The following TRIM37 variants were observed in gnomAD, a reference collection of about 807,000 sequenced individuals.
TRIM37 encodes the protein tripartite motif containing 37.
In TRIM37, 80 loss-of-function variants were observed where a neutral mutation model predicts 129.8. The observed-to-expected ratio is 0.62, with a 90% CI of 0.51 to 0.74. The LOEUF is 0.74. TRIM37 is among the 30% of genes least tolerant of loss of function. The probability of loss-of-function intolerance (pLI) is 0.00; values close to 1 mark genes in which losing one functional copy is unlikely to be tolerated. For synonymous variants in TRIM37, 389 were observed against 387.1 expected, an observed-to-expected ratio of 1.00 and a Z score of -0.06; for missense variants, 1,054 against 1,176.5, an observed-to-expected ratio of 0.90 and a Z score of 1.52.
chr17:59,072,165 G>A (rs1343305350), intron 8 of TRIM37, among the ~76,000 whole-genome samples: 1 of 152,124 alleles, frequency 6.6e-6, no homozygotes, highest in Non-Finnish European at 1.5e-5. Flanking sequence ...GTCCATGTGA[G>A]GACACAGTAA....
chr17:59,031,995 A>G lies in TRIM37; in HGVS notation c.1849T>C (p.Leu617=). The change falls in exon 18 of 24, where the codon TTA becomes CTA. Residue 617 remains leucine, a synonymous_variant. Coordinates refer to ENST00000262294, the MANE Select transcript of TRIM37 (RefSeq NM_015294.6). ...AGGTCCAACAAATGTATTAAAATTAATGGATCAATGTCTAGTAAACTACTG... is the reference window on the plus strand; with the variant it reads ...AGGTCCAACAAATGTATTAAAATTAGTGGATCAATGTCTAGTAAACTACTG... ...ATSSLLDIDP[L]ILIHLLDLKD... is the part of the protein sequence containing the mutation. The G allele has an allele frequency of 6.2e-7, 1 of 1,614,220 alleles. No individual in the cohort carries two copies. The highest frequency in any genetic ancestry group is 8.5e-7 in the Non-Finnish European group (1 of 1,180,028).
At chr17:59,082,579 CAGAGTTACTACAG>C (rs2043394393) in intron 5 of TRIM37, among the ~76,000 whole-genome samples, 1 of 152,164 alleles carries the variant, frequency 6.6e-6, no homozygotes, top group Non-Finnish European at 1.5e-5. Context: ...TTCCATCCCA[CAGAGTTACTACAG>C]AGACAGAAGA....
intron 22 of TRIM37, among the ~76,000 whole-genome samples, chr17:59,008,582 G>T (rs959252857): frequency 6.6e-6 from 1 of 152,176 alleles, no homozygotes; most frequent in Non-Finnish European, 1.5e-5. Flanking sequence ...AATGTAAATT[G>T]ATAAATTGGA....
chr17:59,087,240 C>T (rs542408182), intron 4 of TRIM37, among the ~76,000 whole-genome samples: 21 of 151,944 alleles, frequency 1.4e-4, no homozygotes, highest in African/African-American at 4.1e-4. Context: ...GGATTATAGG[C>T]GTCCACCACG....
intron 3 of TRIM37, 151 bp from the exon 4 acceptor site, chr17:59,088,558 G>A: frequency 3.1e-6 from 2 of 653,982 alleles, no homozygotes; most frequent in Non-Finnish European, 5.5e-6. Context: ...TATGACCCAG[G>A]GTGGAATGCA....
At chr17:59,016,307 T>A (rs893233054) in intron 20 of TRIM37, among the ~76,000 whole-genome samples, 17 of 146,346 alleles carry the variant, frequency 1.2e-4, no homozygotes, top group Non-Finnish European at 2.2e-4. Context: ...GGCAGGAGAA[T>A]CACTTGAACA....
intron 2 of TRIM37, among the ~76,000 whole-genome samples, chr17:59,103,726 C>A (rs891571029): frequency 1.3e-5 from 2 of 151,166 alleles, no homozygotes; most frequent in Admixed American, 6.6e-5. Flanking sequence ...CGGCTCACTG[C>A]AACCTCTGCC....
chr17:59,022,147 A>T (rs1414978028), intron 19 of TRIM37, among the ~76,000 whole-genome samples: 1 of 152,170 alleles, frequency 6.6e-6, no homozygotes, highest in Non-Finnish European at 1.5e-5. Flanking sequence ...AATTAGAACT[A>T]AAGTGGGTTA....
In TRIM37 at chr17:59,041,898, C is replaced by T. The variant is rs750544546; in HGVS notation, c.1668G>A (p.Met556Ile). The T allele has an allele frequency of 8.1e-6, 13 of 1,607,982 alleles. No individual in the cohort carries two copies. In the African/African-American group the frequency reaches 1.6e-4, roughly 20 times the overall value. Residue 556 changes from methionine to isoleucine, a missense_variant and splice_region_variant, in exon 17 of 24, where the codon ATG (methionine) becomes ATA (isoleucine). By Grantham distance (10) the Met-to-Ile change is conservative. Around this residue, in one of 3 missense-constraint regions of TRIM37, gnomAD observed 752 missense variants for 870.8 expected, o/e 0.86. Coordinates refer to ENST00000262294, the MANE Select transcript of TRIM37 (RefSeq NM_015294.6). ...TEENDIDEET[M>I]SGENDVEYNN... ...TATATTCCACATCATTTTCTCCAGA[C>T]CTAAGAATATACAAAATCCATCATT...
At chr17:59,043,102 G>A (rs2039430250) in intron 16 of TRIM37, among the ~76,000 whole-genome samples, 1 of 152,136 alleles carries the variant, frequency 6.6e-6, no homozygotes, top group Non-Finnish European at 1.5e-5. Context: ...TTTCAGCAAA[G>A]AGGGTATTAC....
intron 5 of TRIM37, 90 bp from the exon 6 acceptor site, chr17:59,081,309 G>A: frequency 1.3e-6 from 2 of 1,530,358 alleles, no homozygotes; most frequent in South Asian, 1.2e-5. Context: ...CTAATAAACT[G>A]GTAAATCTCT....
Position 58,999,242 on chromosome 17 carries a change from A to C in TRIM37, c.*135T>G. Reference sequence around the variant, plus strand: ...ACTGTGCCACCTTCCAACAGTTTCCAAATTACTATTTCAGGTCGAGATAAT... The same window carrying C: ...ACTGTGCCACCTTCCAACAGTTTCCCAATTACTATTTCAGGTCGAGATAAT... On this transcript the variant is annotated 3_prime_UTR_variant, in exon 24 of 24. Coordinates refer to ENST00000262294, the MANE Select transcript of TRIM37 (RefSeq NM_015294.6). 1.9e-6 allele frequency: 3 copies of C among 1,583,360 alleles called. No individual in the cohort carries two copies. The highest frequency in any genetic ancestry group is 2.6e-6 in the Non-Finnish European group (3 of 1,166,256).
intron 24 of TRIM37, chr17:58,984,609 C>T (rs529884865): frequency 6.6e-6 from 1 of 152,632 alleles, no homozygotes; most frequent in South Asian, 2.1e-4. Flanking sequence ...TTGAAAATCA[C>T]GTGATGTTAA....
intron 9 of TRIM37, among the ~76,000 whole-genome samples, chr17:59,069,328 C>T (rs1414513999): frequency 3.3e-5 from 5 of 151,076 alleles, no homozygotes; most frequent in Non-Finnish European, 5.9e-5. Flanking sequence ...GCCTGGGTGA[C>T]AGAGTGAGAT....
At chr17:59,090,060 A>C (rs1329912796) in intron 3 of TRIM37, 1 of 152,128 alleles carries the variant, frequency 6.6e-6, no homozygotes, top group Non-Finnish European at 1.5e-5. Context: ...AAATCACGCC[A>C]TTGCACTCCG....
downstream of TRIM37, among the ~76,000 whole-genome samples, chr17:58,993,730 T>C (rs1043660177): frequency 2.0e-5 from 3 of 152,080 alleles, no homozygotes; most frequent in Non-Finnish European, 4.4e-5. Flanking sequence ...AAGACATTTG[T>C]TGAAACCCAC....
intron 14 of TRIM37, among the ~76,000 whole-genome samples, chr17:59,050,959 A>G (rs573139892): frequency 2.1e-4 from 32 of 152,204 alleles, no homozygotes; most frequent in Admixed American, 2.0e-3. Context: ...CAGCCTGGGC[A>G]ACAGAGCGAG....
At chr17:58,997,317 A>G (rs1465736008), downstream of TRIM37, among the ~76,000 whole-genome samples, 1 of 152,220 alleles carries the variant, frequency 6.6e-6, no homozygotes, top group African/African-American at 2.4e-5. Flanking sequence ...AAAAGCTAAA[A>G]AAAAAGAATA....
Position 59,061,114 on chromosome 17 carries a change from AG to A in TRIM37, c.943-7del, listed in dbSNP as rs1288706098. 1 of 1,612,718 alleles carries A rather than the reference AG, an allele frequency of 6.2e-7. No individual in the cohort carries two copies. On this transcript the variant is annotated splice_polypyrimidine_tract_variant and splice_region_variant and intron_variant, in intron 11 of 23. Transcript: ENST00000262294. ...CGCACAACTCCATTTCCATCCTAAA[AG>A]AAGAATAATCAGTTTGAGTGTAAAA... is the stretch of plus-strand genomic sequence containing the variant.
Sources: allele counts gnomAD v4.1 joint callset (sites outside exome capture counted in the v4.1 genomes callset), GRCh38; gene constraint gnomAD v4.1.1; regional missense constraint gnomAD v4.1.1; transcripts MANE v1.5; gene names NCBI Gene and HGNC (gene_info 2026-07-23, HGNC 2026-07-21).